FSHB: variants seen among roughly 807,000 people sequenced by gnomAD.
FSHB encodes follitropin subunit beta.
In FSHB, 8 loss-of-function variants were observed where a neutral mutation model predicts 12.1. The ratio of observed to expected loss-of-function variants is 0.66; its 90% confidence interval spans 0.39 to 1.19. The LOEUF is 1.19. Among genes scored for constraint, FSHB ranks in the 50% most tolerant of loss-of-function variants. The probability of loss-of-function intolerance (pLI) is 0.01; values close to 1 mark genes in which losing one functional copy is unlikely to be tolerated. For synonymous variants in FSHB, 55 were observed against 54.6 expected (o/e 1.01, Z -0.04); for missense variants, 153 against 157.2 (o/e 0.97, Z 0.14).
Position 30,233,875 on chromosome 11 carries a change from A to G in FSHB, c.*75A>G. ...TATTCAAAAAGTCTGTGTGTGTGCA[A>G]TGTGCCCAGGGGACAAACCACTGGA... On this transcript the variant is annotated 3_prime_UTR_variant, in exon 3 of 3. Coordinates refer to ENST00000533718, the MANE Select transcript of FSHB (RefSeq NM_001382289.1). 1.6e-6 allele frequency: 2 copies of G among 1,256,644 alleles called. No individual in the cohort carries two copies. The highest frequency in any genetic ancestry group is 2.3e-6 in the Non-Finnish European group (2 of 874,604). The allele number at this position is 1,256,644 out of a possible 1,614,324, so 77.8% of individuals were successfully genotyped here.
chr11:30,231,883 T>C lies in FSHB; in HGVS notation c.-20T>C, dbSNP rs1852011773. On this transcript the variant is annotated 5_prime_UTR_variant, in exon 2 of 3. Coordinates refer to ENST00000533718, the MANE Select transcript of FSHB (RefSeq NM_001382289.1). ...TTTCTCAGTTTCTAGTGGGCTTCAT[T>C]GTTTGCTTCCCAGACCAGGATGAAG... 1.2e-6 allele frequency: 2 copies of C among 1,613,582 alleles called. No individual in the cohort carries two copies. The highest frequency in any genetic ancestry group is 1.7e-5 in the Admixed American group (1 of 59,992).
At position 30,231,441 on chromosome 11, in the gene FSHB, T is replaced by C. The variant is rs543694440; in HGVS notation, c.-38+393T>C. ...CCTGGAAGGTTGAAGATGCAGTGAT[T>C]CATGATTATACCACTGCACTCCAGC... On this transcript the variant is annotated intron_variant, in intron 1 of 2. Transcript: ENST00000533718. 4.0e-4 allele frequency among the ~76,000 whole-genome samples: 61 copies of C among 152,226 alleles called. 1 individual carries two copies. Among genetic ancestry groups the C allele is most frequent in the African/African-American group, 1.4e-3 (59 of 41,528 alleles).
intron 2 of FSHB, among the ~76,000 whole-genome samples, chr11:30,232,435 CACT>C (rs1461987076): frequency 6.6e-4 from 100 of 152,248 alleles, no homozygotes; most frequent in Middle Eastern, 6.8e-3. Context: ...CTTTAACTGA[CACT>C]ACATCTTTGA....
chr11:30,232,230 T>C (rs1158372890), intron 2 of FSHB, among the ~76,000 whole-genome samples, 169 bp downstream of exon 2: 1 of 152,216 alleles, frequency 6.6e-6, no homozygotes, highest in Non-Finnish European at 1.5e-5. Flanking sequence ...ATCACTTAGA[T>C]GTTTGGGCTT....
intron 2 of FSHB, among the ~76,000 whole-genome samples, chr11:30,232,388 T>C (rs1159910140): frequency 6.6e-6 from 1 of 152,220 alleles, no homozygotes; most frequent in Non-Finnish European, 1.5e-5. Context: ...ATATATTTAA[T>C]CATAAAGGAC....
chr11:30,232,734 G>A (rs1852025786), intron 2 of FSHB, among the ~76,000 whole-genome samples: 1 of 152,114 alleles, frequency 6.6e-6, no homozygotes, highest in Admixed American at 6.6e-5. Flanking sequence ...TTTTTTCTCT[G>A]CAGCACCCCT....
At position 30,234,991 on chromosome 11, in the gene FSHB, A is replaced by G. The variant is rs1852063205; in HGVS notation, c.*1191A>G. ...CTCAGTTTCACACTCATATTGTTTA[A>G]CTAATTTATTTAAATCTTATTTTTT... On this transcript the variant is annotated 3_prime_UTR_variant, in exon 3 of 3. Transcript: ENST00000533718. 1 of 152,184 alleles carries G rather than the reference A, an allele frequency of 6.6e-6. No homozygotes were observed. Among genetic ancestry groups the G allele is most frequent in the South Asian group, 2.1e-4 (1 of 4,832 alleles). 9.4% of individuals were successfully genotyped at this position (152,184 alleles called of 1,614,324 possible). A position where few individuals can be genotyped will look rare whatever the true frequency, so the allele number is the denominator to read the frequency against.
Position 30,233,687 on chromosome 11 carries a change from A to G in FSHB, c.277A>G (p.Thr93Ala). The stretch of plus-strand genomic sequence containing the variant: ...TGCTCACCATGCAGATTCCTTGTAT[A>G]CATACCCAGTGGCCACCCAGTGTCA... ...GCAHHADSLYTYPVATQCHCG... is the reference protein window; with the variant it reads ...GCAHHADSLYAYPVATQCHCG... The change falls in exon 3 of 3, where the codon ACA (threonine) becomes GCA (alanine). Residue 93 changes from threonine (T) to alanine (A), a missense_variant. Thr to Ala is a moderately conservative substitution (Grantham distance 58). Transcript: ENST00000533718. 1 of 1,614,068 alleles carries G rather than the reference A, an allele frequency of 6.2e-7. No individual in the cohort carries two copies. Among genetic ancestry groups the G allele is most frequent in the Non-Finnish European group, 8.5e-7 (1 of 1,179,954 alleles).
rs932082368 is a variant in FSHB at position 30,231,781 on chromosome 11, C to T, written c.-37-85C>T. 1.0e-5 allele frequency: 11 copies of T among 1,078,590 alleles called. No homozygotes were observed. In the African/African-American group the frequency reaches 1.6e-4, roughly 15 times the overall value. The allele number at this position is 1,078,590 out of a possible 1,614,324, so 66.8% of individuals were successfully genotyped here. A position where few individuals can be genotyped will look rare whatever the true frequency, so the allele number is the denominator to read the frequency against. On this transcript the variant is annotated intron_variant, in intron 1 of 2. Coordinates refer to ENST00000533718, the MANE Select transcript of FSHB (RefSeq NM_001382289.1). ...AAGGAAGGAAAAAAAACTTTTGAAG[C>T]AAAATGTGATTGAGGAGGATGAGCA... is the stretch of plus-strand genomic sequence containing the variant.
chr11:30,233,150 T>C (rs1564985002), intron 2 of FSHB, among the ~76,000 whole-genome samples: 1 of 152,182 alleles, frequency 6.6e-6, no homozygotes, highest in Non-Finnish European at 1.5e-5. Flanking sequence ...TAAAATTATA[T>C]ATTTTTGACC....
chr11:30,232,887 T>C (rs1467497357), intron 2 of FSHB, among the ~76,000 whole-genome samples: 1 of 152,164 alleles, frequency 6.6e-6, no homozygotes, highest in East Asian at 1.9e-4. Flanking sequence ...GGATATACAT[T>C]TGGTAGGATG....
chr11:30,231,979 T>A lies in FSHB; in HGVS notation c.77T>A (p.Ile26Asn). 6.2e-7 allele frequency: 1 copy of A among 1,613,952 alleles called. No homozygotes were observed. Among genetic ancestry groups the A allele is most frequent in the Non-Finnish European group, 8.5e-7 (1 of 1,179,874 alleles). Residue 26 changes from isoleucine to asparagine, a missense_variant, in exon 2 of 3, where the codon ATC becomes AAC. Physicochemically the swap from Ile to Asn is moderately radical, Grantham distance 149 (BLOSUM62 -3). Coordinates refer to ENST00000533718, the MANE Select transcript of FSHB (RefSeq NM_001382289.1). ...ICCNSCELTN[I>N]TIAIEKEECR... is the part of the protein sequence containing the mutation. ...TGCAATAGCTGTGAGCTGACCAACA[T>A]CACCATTGCAATAGAGAAAGAAGAA...
At position 30,233,617 on chromosome 11, in the gene FSHB, T is replaced by C. The variant is rs1161746630; in HGVS notation, c.207T>C (p.Cys69=). ...DPARPKIQKT[C]TFKELVYETV... ...CCAGGCCCAAAATCCAGAAAACATG[T>C]ACCTTCAAGGAACTGGTATACGAAA... The change falls in exon 3 of 3, where the codon TGT becomes TGC. Residue 69 remains cysteine (C), a synonymous_variant. Transcript: ENST00000533718. The C allele has an allele frequency of 6.2e-7, 1 of 1,613,902 alleles. No homozygotes were observed. Among genetic ancestry groups the C allele is most frequent in the African/African-American group, 1.3e-5 (1 of 74,924 alleles).
chr11:30,232,046 C>T lies in FSHB; in HGVS notation c.144C>T (p.Gly48=). ...CISINTTWCA[G]YCYTRDLVYK... is the part of the protein sequence containing the mutation. ...GCATCAACACCACTTGGTGTGCTGG[C>T]TACTGCTACACCAGGGTAGGTACCA... Residue 48 remains glycine (G), a synonymous_variant, in exon 2 of 3, where the codon GGC becomes GGT. Coordinates refer to ENST00000533718, the MANE Select transcript of FSHB (RefSeq NM_001382289.1). The T allele has an allele frequency of 6.2e-7, 1 of 1,613,906 alleles. No individual in the cohort carries two copies. The highest frequency in any genetic ancestry group is 8.5e-7 in the Non-Finnish European group (1 of 1,179,846).
At chr11:30,231,838 T>C (rs897755070) in intron 1 of FSHB, 28 bp from the exon 2 acceptor site, 7 of 1,582,150 alleles carry the variant, frequency 4.4e-6, no homozygotes, top group Non-Finnish European at 5.2e-6. Context: ...TCAGCTTACA[T>C]AATGATTATC....
intron 2 of FSHB, among the ~76,000 whole-genome samples, chr11:30,232,979 C>T (rs1852029029): frequency 6.6e-6 from 1 of 152,106 alleles, no homozygotes; most frequent in African/African-American, 2.4e-5. Context: ...CAAATAATTT[C>T]TACCTGGATT....
chr11:30,233,255 A>T (rs1247791321), intron 2 of FSHB, among the ~76,000 whole-genome samples: 1 of 152,200 alleles, frequency 6.6e-6, no homozygotes, highest in Non-Finnish European at 1.5e-5. Context: ...GCTTTCAATT[A>T]AATATGAAAA....
chr11:30,232,049 C>T lies in FSHB; in HGVS notation c.147C>T (p.Tyr49=), dbSNP rs1157096893. 11 of 1,613,770 alleles carry T rather than the reference C, an allele frequency of 6.8e-6. No individual in the cohort carries two copies. The highest frequency in any genetic ancestry group is 1.1e-5 in the South Asian group (1 of 91,084). ...TCAACACCACTTGGTGTGCTGGCTA[C>T]TGCTACACCAGGGTAGGTACCATGT... ...ISINTTWCAG[Y]CYTRDLVYKD... is the part of the protein sequence containing the mutation. Residue 49 remains tyrosine (Y), a synonymous_variant, in exon 2 of 3, where the codon TAC becomes TAT. Transcript: ENST00000533718.
chr11:30,233,592 C>A lies in FSHB; in HGVS notation c.182C>A (p.Ala61Asp). Residue 61 changes from alanine (A) to aspartate (D), a missense_variant, in exon 3 of 3, where the codon GCC becomes GAC. Ala to Asp is a moderately radical substitution (Grantham distance 126). Transcript: ENST00000533718. ...CAGGATCTGGTGTATAAGGACCCAG[C>A]CAGGCCCAAAATCCAGAAAACATGT... Reference protein sequence around the residue: ...YTRDLVYKDPARPKIQKTCTF... With the variant: ...YTRDLVYKDPDRPKIQKTCTF... The A allele has an allele frequency of 6.2e-7, 1 of 1,613,888 alleles. No homozygotes were observed. Among genetic ancestry groups the A allele is most frequent in the South Asian group, 1.1e-5 (1 of 91,074 alleles).
Sources: allele counts gnomAD v4.1 joint callset (sites outside exome capture counted in the v4.1 genomes callset), GRCh38; gene constraint gnomAD v4.1.1; transcripts MANE v1.5; gene names NCBI Gene and HGNC (gene_info 2026-07-23, HGNC 2026-07-21).